RUVBL1: variants seen among roughly 807,000 people sequenced by gnomAD.
The protein encoded by RUVBL1 is ruvB-like 1.
Under a neutral mutation model 52.4 loss-of-function variants are expected in RUVBL1, and 4 were observed. The ratio of observed to expected loss-of-function variants is 0.08; its 90% confidence interval spans 0.04 to 0.17. The LOEUF (loss-of-function observed/expected upper bound fraction) is 0.17. Among genes scored for constraint, RUVBL1 ranks in the 10% least tolerant of loss-of-function variants. RUVBL1 has a pLI of 1.00. For missense variants in RUVBL1, 298 were observed against 572.8 expected (o/e 0.52, Z 4.90); for synonymous variants, 217 against 214.4 (o/e 1.01, Z -0.10).
intron 3 of RUVBL1, among the ~76,000 whole-genome samples, chr3:128,106,329 C>A (rs1943234535): frequency 6.6e-6 from 1 of 152,230 alleles, no homozygotes. Context: ...ATCCAAGAAT[C>A]ATTGTTAAAT....
rs544810864 is a variant in RUVBL1 at position 128,090,300 on chromosome 3, G to C, written c.1017-2492C>G. 6.6e-5 allele frequency among the ~76,000 whole-genome samples: 10 copies of C among 152,246 alleles called. No individual in the cohort carries two copies. The South Asian group carries it at 2.1e-3, about 31-fold the overall frequency. ...TAATCCCAGCACTTTGGGAGGCCAAGGCGGGCAGATCACGAGGTCAGGAGA... is the reference window on the plus strand; with the variant it reads ...TAATCCCAGCACTTTGGGAGGCCAACGCGGGCAGATCACGAGGTCAGGAGA... On this transcript the variant is annotated intron_variant, in intron 8 of 10. Transcript: ENST00000322623.
intron 3 of RUVBL1, among the ~76,000 whole-genome samples, chr3:128,112,687 A>T (rs1943423136): frequency 6.6e-6 from 1 of 152,220 alleles, no homozygotes; most frequent in Non-Finnish European, 1.5e-5. Flanking sequence ...TAGGGTCCAT[A>T]GTTGCTCCAA....
chr3:128,114,660 C>T (rs1943475204), intron 2 of RUVBL1, among the ~76,000 whole-genome samples: 1 of 152,212 alleles, frequency 6.6e-6, no homozygotes, highest in South Asian at 2.1e-4. Flanking sequence ...CTTCCCTCAT[C>T]CCCGTTGCCT....
chr3:128,092,798 G>A (rs1278884580), intron 8 of RUVBL1, among the ~76,000 whole-genome samples: 1 of 152,218 alleles, frequency 6.6e-6, no homozygotes, highest in Non-Finnish European at 1.5e-5. Context: ...GCAGTTCCTT[G>A]AAAGGTTAAA....
chr3:128,144,996 G>T (rs905503109), intron 1 of RUVBL1, among the ~76,000 whole-genome samples: 6 of 152,142 alleles, frequency 3.9e-5, no homozygotes, highest in Admixed American at 1.3e-4. Context: ...GTCATTGTGA[G>T]GGGGGAGCCT....
chr3:128,086,938 G>A (rs1942660647), intron 9 of RUVBL1, among the ~76,000 whole-genome samples: 1 of 152,246 alleles, frequency 6.6e-6, no homozygotes, highest in Non-Finnish European at 1.5e-5. Flanking sequence ...GGCATGCACG[G>A]TGTGCCAGCC....
downstream of RUVBL1, among the ~76,000 whole-genome samples, chr3:128,076,982 C>T (rs554119530): frequency 3.0e-3 from 457 of 150,792 alleles, 1 homozygote; most frequent in Middle Eastern, 0.01. This position sits in a 1 kb window ranked among gnomAD's most constrained non-coding sequence, Gnocchi z 6.8. Flanking sequence ...ACGGTGACGG[C>T]GGGTGACGGA....
intron 8 of RUVBL1, among the ~76,000 whole-genome samples, chr3:128,090,832 A>G (rs1214811422): frequency 6.6e-6 from 1 of 152,178 alleles, no homozygotes; most frequent in East Asian, 1.9e-4. Context: ...AAATCCTAAG[A>G]TCTCAATTTT....
At chr3:128,132,644 A>G (rs1328860905) in intron 1 of RUVBL1, among the ~76,000 whole-genome samples, 2 of 152,190 alleles carry the variant, frequency 1.3e-5, no homozygotes, top group Non-Finnish European at 2.9e-5. Context: ...ACCCTGGGAC[A>G]AAAGAGAATG....
In RUVBL1 at chr3:128,094,274, A is replaced by G. The variant is rs181722057; in HGVS notation, c.1016+3026T>C. Among the ~76,000 whole-genome samples, 17 of 152,242 alleles carry G rather than the reference A, an allele frequency of 1.1e-4. No individual in the cohort carries two copies. The East Asian group carries it at 3.3e-3, about 29-fold the overall frequency. Reference sequence around the variant, plus strand: ...TGAAATGCATGCTCCATAAAACACAATGGCCATCAGAGAGTGGGCTCACTT... The same window carrying G: ...TGAAATGCATGCTCCATAAAACACAGTGGCCATCAGAGAGTGGGCTCACTT... On this transcript the variant is annotated intron_variant, in intron 8 of 10. Coordinates refer to ENST00000322623, the MANE Select transcript of RUVBL1 (RefSeq NM_003707.3).
intron 8 of RUVBL1, among the ~76,000 whole-genome samples, chr3:128,091,456 T>C (rs1942837636): frequency 6.6e-6 from 1 of 152,268 alleles, no homozygotes. Context: ...CTCAGTCTAC[T>C]ATTAATTTTA....
At chr3:128,133,243 A>G (rs1359728778) in intron 1 of RUVBL1, among the ~76,000 whole-genome samples, 1 of 152,038 alleles carries the variant, frequency 6.6e-6, no homozygotes, top group Non-Finnish European at 1.5e-5. Context: ...CACCAAATGG[A>G]TTCCTAAGGT....
Position 128,067,221 on chromosome 3 carries a change from C to T in RUVBL1, c.940-2001G>A, listed in dbSNP as rs1942007007. ...CAGTGGTTTCTATCAGTGTCTTGCT[C>T]ATGAACAGATATTTCATCCAAAGAT... On this transcript the variant is annotated intron_variant, in intron 9 of 9. Coordinates refer to the RUVBL1 transcript ENST00000464873. This position sits in a 1 kb window ranked among gnomAD's most constrained non-coding sequence, Gnocchi z 4.1. 1 of 1,429,340 alleles carries T rather than the reference C, an allele frequency of 7.0e-7. No individual in the cohort carries two copies. Among genetic ancestry groups the T allele is most frequent in the African/African-American group, 1.4e-5 (1 of 71,028 alleles). 88.5% of individuals were successfully genotyped at this position (1,429,340 alleles called of 1,614,324 possible). A position where few individuals can be genotyped will look rare whatever the true frequency, so the allele number is the denominator to read the frequency against.
chr3:128,080,054 G>T (rs1942427416), downstream of RUVBL1, among the ~76,000 whole-genome samples: 2 of 152,198 alleles, frequency 1.3e-5, no homozygotes, highest in East Asian at 1.9e-4. Context: ...CATCCTACTG[G>T]GAAGGCACAT....
upstream of RUVBL1, among the ~76,000 whole-genome samples, chr3:128,125,305 G>C (rs1007736078): frequency 6.6e-6 from 1 of 152,022 alleles, no homozygotes; most frequent in Non-Finnish European, 1.5e-5. Flanking sequence ...GTGAGCCACC[G>C]CGCCCGGCCT....
At position 128,067,804 on chromosome 3, in the gene RUVBL1, C is replaced by T; in HGVS notation, c.940-2584G>A. On this transcript the variant is annotated intron_variant, in intron 9 of 9. Transcript: ENST00000464873. The surrounding 1 kb of genome is among the most constrained non-coding windows in gnomAD (Gnocchi z 4.1). ...GTAGATCAGCTGTGGGTATGAGAATCTGAATCCACACTGTAAAGTTAGACT... is the reference window on the plus strand; with the variant it reads ...GTAGATCAGCTGTGGGTATGAGAATTTGAATCCACACTGTAAAGTTAGACT... The T allele has an allele frequency of 2.9e-6, 2 of 678,570 alleles. No homozygotes were observed. The highest frequency in any genetic ancestry group is 5.1e-6 in the Non-Finnish European group (2 of 393,190). The allele number at this position is 678,570 out of a possible 1,614,324, so 42.0% of individuals were successfully genotyped here. A position where few individuals can be genotyped will look rare whatever the true frequency, so the allele number is the denominator to read the frequency against.
At chr3:128,128,104 C>CA (rs1402233326), upstream of RUVBL1, among the ~76,000 whole-genome samples, 1 of 152,082 alleles carries the variant, frequency 6.6e-6, no homozygotes, top group African/African-American at 2.4e-5. Flanking sequence ...GTGATCCTCC[C>CA]ATCTCAGCCT....
At chr3:128,105,515 G>T (rs1220742764) in intron 3 of RUVBL1, among the ~76,000 whole-genome samples, 1 of 152,030 alleles carries the variant, frequency 6.6e-6, no homozygotes, top group Admixed American at 6.5e-5. Flanking sequence ...TTTCCAAGGG[G>T]GTGAAATTTA....
intron 8 of RUVBL1, among the ~76,000 whole-genome samples, chr3:128,090,151 T>C (rs1576447676): frequency 1.3e-5 from 2 of 152,130 alleles, no homozygotes; most frequent in African/African-American, 4.8e-5. Flanking sequence ...AATGGCAAAT[T>C]TTATGTTACA....
Sources: gnomAD v4.1 joint callset for allele counts (sites outside exome capture counted in the v4.1 genomes callset) on GRCh38, gnomAD v4.1.1 for gene constraint, Gnocchi (gnomAD v3.1) non-coding constraint, MANE v1.5 for transcripts, NCBI Gene and HGNC (gene_info 2026-07-23, HGNC 2026-07-21) for gene names.